ERMP1: variants seen among roughly 807,000 people sequenced by gnomAD.
ERMP1 encodes endoplasmic reticulum metallopeptidase 1, also known as Felix-ina.
Under a neutral mutation model 92.0 loss-of-function variants are expected in ERMP1, and 86 were observed. The observed-to-expected ratio is 0.93, with a 90% CI of 0.79 to 1.12. The LOEUF is 1.12. Ranked by LOEUF, ERMP1 falls within the 50% of genes most tolerant of loss-of-function variation. The pLI is 0.00. For synonymous variants in ERMP1, 530 were observed against 412.8 expected, an observed-to-expected ratio of 1.28 and a Z score of -3.44; for missense variants, 1,342 against 1,116.3, an observed-to-expected ratio of 1.20 and a Z score of -2.88.
chr9:5,831,054 A>G, intron 1 of ERMP1, 26 bp from the exon 2 acceptor site: 1 of 1,583,448 alleles, frequency 6.3e-7, no homozygotes, highest in Non-Finnish European at 8.6e-7. Context: ...AGAATAACAA[A>G]GGTTTGTAGT....
At chr9:5,809,259 A>C (rs2131234500) in intron 8 of ERMP1, among the ~76,000 whole-genome samples, 1 of 151,370 alleles carries the variant, frequency 6.6e-6, no homozygotes, top group East Asian at 2.0e-4. Context: ...TGACCTTGTG[A>C]TCCGCCCACC....
chr9:5,789,758 A>C (rs1828096152), intron 13 of ERMP1, among the ~76,000 whole-genome samples: 1 of 151,870 alleles, frequency 6.6e-6, no homozygotes, highest in African/African-American at 2.4e-5. Context: ...AACACAGCCC[A>C]CTGCAGCCTT....
intron 1 of ERMP1, among the ~76,000 whole-genome samples, chr9:5,831,705 A>T (rs1829946257): frequency 6.6e-6 from 1 of 152,252 alleles, no homozygotes; most frequent in Non-Finnish European, 1.5e-5. Context: ...GACTTTAAGT[A>T]GCAGAAACCA....
intron 6 of ERMP1, among the ~76,000 whole-genome samples, chr9:5,853,937 T>A (rs573879155): frequency 1.6e-4 from 24 of 151,814 alleles, no homozygotes; most frequent in African/African-American, 5.6e-4. Context: ...AAAAGACAGA[T>A]GAACAGAGGA....
chr9:5,843,984 T>A (rs1227289725), intron 6 of ERMP1, among the ~76,000 whole-genome samples: 1 of 152,148 alleles, frequency 6.6e-6, no homozygotes, highest in African/African-American at 2.4e-5. Flanking sequence ...CTCCACCCCC[T>A]GGCCAATACC....
At chr9:5,855,206 C>T (rs968802690) in intron 6 of ERMP1, among the ~76,000 whole-genome samples, 1 of 152,074 alleles carries the variant, frequency 6.6e-6, no homozygotes, top group African/African-American at 2.4e-5. Context: ...AAGCTAAATC[C>T]TTTCCTCCTA....
intron 2 of ERMP1, among the ~76,000 whole-genome samples, chr9:5,826,008 C>T (rs780520905): frequency 4.0e-5 from 6 of 151,822 alleles, no homozygotes; most frequent in South Asian, 2.1e-4. Context: ...TTAGGTGAGG[C>T]AATTGGTGGT....
intron 5 of ERMP1, among the ~76,000 whole-genome samples, chr9:5,863,405 A>C (rs1017469734): frequency 1.3e-5 from 2 of 152,174 alleles, no homozygotes; most frequent in Non-Finnish European, 2.9e-5. Context: ...ACAGTTTCCC[A>C]TTACTCCTTG....
At chr9:5,815,706 C>G (rs1829277868) in intron 4 of ERMP1, among the ~76,000 whole-genome samples, 1 of 151,924 alleles carries the variant, frequency 6.6e-6, no homozygotes, top group Admixed American at 6.6e-5. Context: ...GTATCTATCA[C>G]TAAGGGGAAA....
intron 5 of ERMP1, among the ~76,000 whole-genome samples, chr9:5,864,713 C>A (rs1830601194): frequency 6.6e-6 from 1 of 152,172 alleles, no homozygotes; most frequent in African/African-American, 2.4e-5. Context: ...GAAGAAGAGG[C>A]TGATCACTGG....
chr9:5,793,050 TTA>T (rs1455504567), intron 13 of ERMP1, among the ~76,000 whole-genome samples: 6 of 152,200 alleles, frequency 3.9e-5, no homozygotes, highest in Non-Finnish European at 7.4e-5. Flanking sequence ...TTATGTATAC[TTA>T]TATGTGTGCA....
intron 5 of ERMP1, among the ~76,000 whole-genome samples, chr9:5,866,806 A>G (rs183995964): frequency 1.3e-5 from 2 of 152,296 alleles, no homozygotes; most frequent in African/African-American, 2.4e-5. Flanking sequence ...TATGTATATT[A>G]GTGCTGTGCT....
At chr9:5,858,455 T>C (rs1307019048) in intron 6 of ERMP1, among the ~76,000 whole-genome samples, 3 of 152,124 alleles carry the variant, frequency 2.0e-5, no homozygotes, top group Admixed American at 2.0e-4. Context: ...CTCACTGTAA[T>C]AACTTTCTCA....
At position 5,863,258 on chromosome 9, in the gene ERMP1, G is replaced by A. The variant is rs530331944; in HGVS notation, n.3056-3647C>T. On this transcript the variant is annotated intron_variant and non_coding_transcript_variant, in intron 5 of 6. Coordinates refer to the ERMP1 transcript ENST00000690753. ...TTGTACTTTGCAACAGAGTTTAAAG[G>A]CAATACTTTCAAAGCAGGAGTTTCT... 3.1e-4 allele frequency among the ~76,000 whole-genome samples: 47 copies of A among 152,272 alleles called. No individual in the cohort carries two copies. The South Asian group carries it at 9.8e-3, about 32-fold the overall frequency.
intron 5 of ERMP1, among the ~76,000 whole-genome samples, chr9:5,861,170 G>GGTGTGTGTGTGTGTGTGTGTGTGT: frequency 9.8e-6 from 1 of 102,078 alleles, no homozygotes; most frequent in South Asian, 3.3e-4. Context: ...TGGCTTAGGG[G>GGTGTGTGTGTGTGTGTGTGTGTGT]GTGTGTGTGT....
rs1385152411 is a variant in ERMP1 at position 5,788,654 on chromosome 9, G to A, written c.2387-1061C>T. 3.3e-5 allele frequency among the ~76,000 whole-genome samples: 5 copies of A among 151,770 alleles called. No homozygotes were observed. The East Asian group carries it at 5.8e-4, about 18-fold the overall frequency. On this transcript the variant is annotated intron_variant, in intron 13 of 14. Transcript: ENST00000339450. ...AAAATGAGGAAGAAAAGGATAAACA[G>A]ATCCATACAGTTATTACCAAAAAAA...
rs532556650 is a variant in ERMP1 at position 5,785,594 on chromosome 9, T to A, written c.*1550A>T. On this transcript the variant is annotated 3_prime_UTR_variant, in exon 15 of 15. Transcript: ENST00000339450. ...AGTTAGTTTTTAGGGAGTCACAGAT[T>A]AGGCAGGCAACGAGGGGCATGATTT... 6.6e-6 allele frequency: 1 copy of A among 152,592 alleles called. No homozygotes were observed. Among genetic ancestry groups the A allele is most frequent in the East Asian group, 1.9e-4 (1 of 5,198 alleles). 9.5% of individuals were successfully genotyped at this position (152,592 alleles called of 1,614,324 possible). A position where few individuals can be genotyped will look rare whatever the true frequency, so the allele number is the denominator to read the frequency against.
chr9:5,794,548 G>C (rs1828334550), intron 13 of ERMP1, among the ~76,000 whole-genome samples: 2 of 151,974 alleles, frequency 1.3e-5, no homozygotes, highest in Non-Finnish European at 2.9e-5. Context: ...ACTAATATGA[G>C]AAATGAAAGA....
At chr9:5,864,893 T>C (rs1830606798) in intron 5 of ERMP1, among the ~76,000 whole-genome samples, 1 of 152,178 alleles carries the variant, frequency 6.6e-6, no homozygotes, top group South Asian at 2.1e-4. Flanking sequence ...TAACACCTTT[T>C]CTGCAAGATA....
Sources: gnomAD v4.1 joint callset for allele counts (sites outside exome capture counted in the v4.1 genomes callset) on GRCh38, gnomAD v4.1.1 for gene constraint, MANE v1.5 for transcripts, NCBI Gene and HGNC (gene_info 2026-07-23, HGNC 2026-07-21) for gene names.